The following METTL15 variants were observed in gnomAD, a reference collection of about 807,000 sequenced individuals.
The protein encoded by METTL15 is methyltransferase 15, mitochondrial 12S rRNA N4-cytidine.
Under a neutral mutation model 38.3 loss-of-function variants are expected in METTL15, and 34 were observed. The ratio of observed to expected loss-of-function variants is 0.89; its 90% CI spans 0.68 to 1.18. METTL15 has a LOEUF of 1.18. Ranked by LOEUF, METTL15 falls within the 50% of genes most tolerant of loss-of-function variation. METTL15 has a pLI of 0.00. For missense variants in METTL15, 438 were observed against 498.4 expected, an observed-to-expected ratio of 0.88 and a Z score of 1.15; for synonymous variants, 162 against 170.9, an observed-to-expected ratio of 0.95 and a Z score of 0.41.
At chr11:28,289,643 G>C (rs1488154783) in intron 4 of METTL15, among the ~76,000 whole-genome samples, 1 of 152,138 alleles carries the variant, frequency 6.6e-6, no homozygotes, top group Non-Finnish European at 1.5e-5. Flanking sequence ...AATCCCTGCT[G>C]AGAGATAATA....
intron 4 of METTL15, among the ~76,000 whole-genome samples, chr11:28,266,272 C>A (rs369977878): frequency 5.9e-5 from 9 of 152,038 alleles, no homozygotes; most frequent in African/African-American, 2.2e-4. Context: ...ATGTTTATTG[C>A]GGCGCTATTC....
chr11:28,144,633 G>A (rs1034416761), intron 3 of METTL15, among the ~76,000 whole-genome samples: 21 of 152,104 alleles, frequency 1.4e-4, no homozygotes, highest in South Asian at 2.1e-4. Context: ...ATATGTGCGT[G>A]TGTGTAATTT....
chr11:28,529,248 T>C (rs147865249), downstream of METTL15, among the ~76,000 whole-genome samples: 250 of 152,262 alleles, frequency 1.6e-3, no homozygotes, highest in Non-Finnish European at 3.1e-3. Context: ...GTCAACACAC[T>C]AGACCGCAGC....
At chr11:28,514,254 A>T (rs1164302203) in intron 6 of METTL15, among the ~76,000 whole-genome samples, 1 of 152,170 alleles carries the variant, frequency 6.6e-6, no homozygotes, top group Non-Finnish European at 1.5e-5. Flanking sequence ...CATCTACCCG[A>T]CCAAGTTAGT....
At chr11:28,139,807 A>G (rs565766306) in intron 3 of METTL15, among the ~76,000 whole-genome samples, 4 of 152,244 alleles carry the variant, frequency 2.6e-5, no homozygotes, top group Non-Finnish European at 5.9e-5. Context: ...TCACAGGGCC[A>G]TGTTAGAAAA....
intron 3 of METTL15, among the ~76,000 whole-genome samples, chr11:28,344,939 T>G (rs1590340208): frequency 6.6e-6 from 1 of 152,208 alleles, no homozygotes; most frequent in Non-Finnish European, 1.5e-5. Flanking sequence ...ATATTCAAAT[T>G]TTTTCACCAT....
chr11:28,123,920 G>T (rs114954914), intron 3 of METTL15: 2 of 1,419,984 alleles, frequency 1.4e-6, no homozygotes, highest in African/African-American at 1.5e-5. Flanking sequence ...TTTCCCACTT[G>T]AGGCGAGTAT....
At chr11:28,442,409 C>A (rs1037774662) in intron 6 of METTL15, among the ~76,000 whole-genome samples, 7 of 151,878 alleles carry the variant, frequency 4.6e-5, no homozygotes, top group African/African-American at 1.7e-4. Flanking sequence ...GGTTTCGAAA[C>A]AGTTTTTTTT....
chr11:28,383,214 G>A (rs745664844), intron 5 of METTL15, among the ~76,000 whole-genome samples: 1 of 152,028 alleles, frequency 6.6e-6, no homozygotes, highest in Non-Finnish European at 1.5e-5. Flanking sequence ...GAGAACATGC[G>A]ATATTTTGTT....
intron 3 of METTL15, among the ~76,000 whole-genome samples, chr11:28,165,170 T>C (rs1032654728): frequency 4.6e-5 from 7 of 152,146 alleles, no homozygotes; most frequent in African/African-American, 1.7e-4. Flanking sequence ...GATATCTCTT[T>C]GATATATTGA....
intron 6 of METTL15, among the ~76,000 whole-genome samples, chr11:28,302,007 C>A (rs1237452457): frequency 6.6e-6 from 1 of 152,132 alleles, no homozygotes; most frequent in Non-Finnish European, 1.5e-5. Context: ...CTGTGAGGAT[C>A]AAGCTGTCCT....
At chr11:28,396,248 A>G (rs1379534386) in intron 5 of METTL15, among the ~76,000 whole-genome samples, 16 of 152,160 alleles carry the variant, frequency 1.1e-4, no homozygotes. Flanking sequence ...GACCAGGGCA[A>G]TCAGGCAGGA....
chr11:28,515,464 C>G (rs1312604528), intron 6 of METTL15, among the ~76,000 whole-genome samples: 1 of 152,186 alleles, frequency 6.6e-6, no homozygotes, highest in Non-Finnish European at 1.5e-5. Context: ...AGAACTCAGC[C>G]TTCTTTTATC....
chr11:28,113,326 A>T lies in METTL15; in HGVS notation c.-9A>T, dbSNP rs569239703. 2 of 1,528,114 alleles carry T rather than the reference A, an allele frequency of 1.3e-6. No homozygotes were observed. The highest frequency in any genetic ancestry group is 1.8e-6 in the Non-Finnish European group (2 of 1,131,832). 94.7% of individuals were successfully genotyped at this position (1,528,114 alleles called of 1,614,324 possible). A position where few individuals can be genotyped will look rare whatever the true frequency, so the allele number is the denominator to read the frequency against. On this transcript the variant is annotated 5_prime_UTR_variant, in exon 3 of 7. Coordinates refer to ENST00000407364, the MANE Select transcript of METTL15 (RefSeq NM_001113528.2). ...TTAATTTTTTTTTCTAGATTTGTTT[A>T]CCTACAAAATGCTTCGGTATCCATA...
At chr11:28,380,631 T>A (rs989239666) in intron 5 of METTL15, among the ~76,000 whole-genome samples, 1 of 152,214 alleles carries the variant, frequency 6.6e-6, no homozygotes, top group Non-Finnish European at 1.5e-5. Flanking sequence ...CTTTTTATGT[T>A]TAGTAAATCT....
chr11:28,267,316 TAA>T (rs1352287041), intron 4 of METTL15, among the ~76,000 whole-genome samples: 13 of 152,136 alleles, frequency 8.5e-5, no homozygotes, highest in Non-Finnish European at 1.6e-4. Flanking sequence ...GCCTCTGAAT[TAA>T]AGTCAGTGCA....
intron 6 of METTL15, among the ~76,000 whole-genome samples, chr11:28,448,928 G>A (rs1041812045): frequency 2.0e-5 from 3 of 152,144 alleles, no homozygotes; most frequent in Non-Finnish European, 4.4e-5. Flanking sequence ...TGTGCCTGTG[G>A]AAATAATTTG....
intron 6 of METTL15, among the ~76,000 whole-genome samples, chr11:28,508,480 T>C (rs185918088): frequency 8.3e-4 from 126 of 152,312 alleles, no homozygotes; most frequent in Admixed American, 4.0e-3. Context: ...AACTACCTAC[T>C]TATCCATCCA....
At chr11:28,420,409 A>G (rs546983410) in intron 5 of METTL15, among the ~76,000 whole-genome samples, 1 of 152,316 alleles carries the variant, frequency 6.6e-6, no homozygotes, top group African/African-American at 2.4e-5. Flanking sequence ...CAATGACTGT[A>G]GAATACACAT....
Sources: gnomAD v4.1 joint callset for allele counts (sites outside exome capture counted in the v4.1 genomes callset) on GRCh38, gnomAD v4.1.1 for gene constraint, MANE v1.5 for transcripts, NCBI Gene and HGNC (gene_info 2026-07-23, HGNC 2026-07-21) for gene names.